The following CLTCL1 variants were observed in gnomAD, a reference collection of about 807,000 sequenced individuals.
CLTCL1 encodes clathrin heavy chain 2.
A neutral mutation model predicts 190.0 loss-of-function variants in CLTCL1; 159 were observed. The ratio of observed to expected loss-of-function variants is 0.84; its 90% CI spans 0.74 to 0.95. The LOEUF (loss-of-function observed/expected upper bound fraction) is 0.95. CLTCL1 is among the 40% of genes least tolerant of loss of function. The probability of loss-of-function intolerance (pLI) is 0.00; values close to 1 mark genes in which losing one functional copy is unlikely to be tolerated. For missense variants in CLTCL1, 1,878 were observed against 2,033.4 expected, an observed-to-expected ratio of 0.92 and a Z score of 1.47; for synonymous variants, 752 against 769.6, an observed-to-expected ratio of 0.98 and a Z score of 0.38.
intron 23 of CLTCL1, 51 bp downstream of exon 23, chr22:19,201,278 A>G (rs2084872051): frequency 1.9e-6 from 3 of 1,552,660 alleles, no homozygotes; most frequent in Admixed American, 1.9e-5. Flanking sequence ...AAGGACACGG[A>G]GAGCGTGCCT....
intron 11 of CLTCL1, among the ~76,000 whole-genome samples, chr22:19,227,973 T>A (rs972547757): frequency 4.6e-5 from 7 of 152,148 alleles, no homozygotes; most frequent in African/African-American, 1.7e-4. Flanking sequence ...GCTGAGTGAG[T>A]GCTCCCTCAG....
chr22:19,276,872 C>T (rs558808881), intron 1 of CLTCL1, among the ~76,000 whole-genome samples: 1 of 152,232 alleles, frequency 6.6e-6, no homozygotes, highest in East Asian at 1.9e-4. Flanking sequence ...CGGGGTTTCA[C>T]CGTGTTAGCC....
chr22:19,233,124 C>T, intron 9 of CLTCL1, 42 bp downstream of exon 9: 5 of 1,585,820 alleles, frequency 3.2e-6, no homozygotes, highest in Non-Finnish European at 4.3e-6. Flanking sequence ...CTCAACCACA[C>T]GTGAGTAATC....
At chr22:19,231,899 C>T (rs1555959246) in intron 10 of CLTCL1, among the ~76,000 whole-genome samples, 3 of 152,180 alleles carry the variant, frequency 2.0e-5, no homozygotes, top group Admixed American at 6.5e-5. Flanking sequence ...CATACAACTG[C>T]ACTTATTATT....
Position 19,233,170 on chromosome 22 carries a change from T to C in CLTCL1, c.1517A>G (p.Lys506Arg), listed in dbSNP as rs1643465661. 6.2e-7 allele frequency: 1 copy of C among 1,612,270 alleles called. No individual in the cohort carries two copies. Among genetic ancestry groups the C allele is most frequent in the South Asian group, 1.1e-5 (1 of 91,018 alleles). Residue 506 changes from lysine to arginine, a missense_variant, in exon 9 of 33, where the codon AAA becomes AGA. Lys to Arg is a conservative substitution (Grantham distance 26). Coordinates refer to ENST00000427926, the MANE Select transcript of CLTCL1 (RefSeq NM_007098.4). ...CAGTGGTTCAACACACGTTACCTTT[T>C]TGGCATAGAGCACAATTTTCTGGAA... ...GQFQKIVLYA[K>R]KVGYTPDWIF...
intron 31 of CLTCL1, 22 bp downstream of exon 31, chr22:19,180,709 G>T: frequency 6.2e-7 from 1 of 1,612,678 alleles, no homozygotes. Flanking sequence ...CCAGGGGGTT[G>T]GGGGCTACAG....
intron 2 of CLTCL1, among the ~76,000 whole-genome samples, chr22:19,263,147 C>T (rs539244351): frequency 6.6e-6 from 1 of 151,646 alleles, no homozygotes; most frequent in Non-Finnish European, 1.5e-5. Flanking sequence ...GACAGAGTCT[C>T]TCTCTGTAAC....
intron 14 of CLTCL1, among the ~76,000 whole-genome samples, chr22:19,223,309 G>C (rs1312314338): frequency 4.0e-5 from 6 of 151,770 alleles, no homozygotes; most frequent in African/African-American, 1.5e-4. Context: ...GTGGCCACAT[G>C]ACCTCATTTC....
At chr22:19,223,031 T>C (rs563510781) in intron 14 of CLTCL1, among the ~76,000 whole-genome samples, 1 of 152,312 alleles carries the variant, frequency 6.6e-6, no homozygotes, top group East Asian at 1.9e-4. Context: ...ACTGCTACAT[T>C]TGGCATTAAC....
chr22:19,216,994 C>T (rs782696627), intron 18 of CLTCL1, among the ~76,000 whole-genome samples: 11 of 152,142 alleles, frequency 7.2e-5, no homozygotes, highest in African/African-American at 1.4e-4. Flanking sequence ...CAGCTCTGGA[C>T]GGTCTTTCAT....
At chr22:19,190,699 G>A (rs1633415) in intron 27 of CLTCL1, among the ~76,000 whole-genome samples, 151,935 of 151,938 alleles carry the variant, frequency 1, 75,966 homozygotes, top group Middle Eastern at 1. Flanking sequence ...TGTGACACAG[G>A]GACATGAAGT....
chr22:19,286,109 T>C (rs2087897963), intron 1 of CLTCL1, among the ~76,000 whole-genome samples: 1 of 152,140 alleles, frequency 6.6e-6, no homozygotes, highest in Non-Finnish European at 1.5e-5. Context: ...TCCTAGGACT[T>C]AATTCTTTCA....
chr22:19,252,992 T>C (rs1555970831), intron 3 of CLTCL1, among the ~76,000 whole-genome samples: 1 of 126,498 alleles, frequency 7.9e-6, no homozygotes, highest in African/African-American at 3.1e-5. Context: ...CCAGCTTGGG[T>C]GACAGAGTAA....
chr22:19,230,090 C>T (rs2800963), intron 10 of CLTCL1, 115 bp from the exon 11 acceptor site: 651,452 of 720,310 alleles, frequency 0.9, 293,132 homozygotes, highest in African/African-American at 0.98. Flanking sequence ...AATTAGTTCC[C>T]TCCCTTGGTT....
chr22:19,283,495 G>C (rs1001275294), intron 1 of CLTCL1, among the ~76,000 whole-genome samples: 8 of 151,722 alleles, frequency 5.3e-5, no homozygotes, highest in Non-Finnish European at 1.2e-4. Context: ...TGGCCAGGCT[G>C]GTCTTGAACT....
intron 22 of CLTCL1, among the ~76,000 whole-genome samples, chr22:19,202,894 C>T (rs1239336527): frequency 6.6e-6 from 1 of 152,230 alleles, no homozygotes; most frequent in Non-Finnish European, 1.5e-5. Context: ...CCATGGATGT[C>T]CCTGACCCCC....
At position 19,226,213 on chromosome 22, in the gene CLTCL1, C is replaced by T. The variant is rs782518579; in HGVS notation, c.1947+6G>A. The T allele has an allele frequency of 6.2e-7, 1 of 1,613,150 alleles. No homozygotes were observed. The highest frequency in any genetic ancestry group is 1.7e-5 in the Admixed American group (1 of 59,984). On this transcript the variant is annotated splice_donor_region_variant and intron_variant, in intron 12 of 32. Transcript: ENST00000427926. The stretch of plus-strand genomic sequence containing the variant: ...CATAATAGGAGTGCCCAGGGGTACA[C>T]AGTACCTCGGGATTGAGGAGGTGAG...
chr22:19,209,480 T>A (rs2085152452), intron 20 of CLTCL1, among the ~76,000 whole-genome samples: 3 of 152,154 alleles, frequency 2.0e-5, no homozygotes, highest in Non-Finnish European at 4.4e-5. Flanking sequence ...CTGTGGGGAA[T>A]AAGATTGCTC....
chr22:19,195,852 T>C (rs1398006647), intron 26 of CLTCL1, among the ~76,000 whole-genome samples: 2 of 146,842 alleles, frequency 1.4e-5, no homozygotes, highest in South Asian at 2.2e-4. Flanking sequence ...GGGAGAGACA[T>C]GAACTAAAAA....
Sources: gnomAD v4.1 joint callset for allele counts (sites outside exome capture counted in the v4.1 genomes callset) on GRCh38, gnomAD v4.1.1 for gene constraint, MANE v1.5 for transcripts, NCBI Gene and HGNC (gene_info 2026-07-23, HGNC 2026-07-21) for gene names.